ADK: variants seen among roughly 807,000 people sequenced by gnomAD.
The protein encoded by ADK is adenosine kinase, also known as N6,N6-dimethyladenosine kinase.
Under a neutral mutation model 44.7 loss-of-function variants are expected in ADK, and 24 were observed. The observed-to-expected ratio is 0.54, with a 90% CI of 0.39 to 0.76. ADK has a LOEUF of 0.76. Ranked by LOEUF, ADK falls within the 30% of genes least tolerant of loss-of-function variation. The pLI, the probability that ADK is intolerant of heterozygous loss-of-function variation, is 0.00. For synonymous variants in ADK, 128 were observed against 142.6 expected, an observed-to-expected ratio of 0.90 and a Z score of 0.73; for missense variants, 321 against 425.1, an observed-to-expected ratio of 0.76 and a Z score of 2.15.
At chr10:74,484,280 A>G (rs75160615) in intron 6 of ADK, among the ~76,000 whole-genome samples, 18 of 152,196 alleles carry the variant, frequency 1.2e-4, no homozygotes, top group Non-Finnish European at 1.8e-4. Flanking sequence ...GAGGTGCTAC[A>G]CACTGTTTAA....
At chr10:74,508,210 T>C (rs988301884) in intron 6 of ADK, among the ~76,000 whole-genome samples, 1 of 152,104 alleles carries the variant, frequency 6.6e-6, no homozygotes, top group Admixed American at 6.5e-5. Flanking sequence ...AGATATAGGA[T>C]GATTAAATCA....
intron 6 of ADK, among the ~76,000 whole-genome samples, chr10:74,510,077 T>C (rs148409415): frequency 6.6e-6 from 1 of 152,348 alleles, no homozygotes; most frequent in Admixed American, 6.5e-5. Context: ...TATAATGATT[T>C]CCATTCCTTT....
At chr10:74,607,052 C>T (rs532477245) in intron 9 of ADK, among the ~76,000 whole-genome samples, 2 of 152,184 alleles carry the variant, frequency 1.3e-5, no homozygotes, top group African/African-American at 4.8e-5. Context: ...AGGATTACAA[C>T]CCCTGCTTTT....
intron 6 of ADK, among the ~76,000 whole-genome samples, chr10:74,473,220 A>G (rs1033583320): frequency 2.6e-5 from 4 of 151,744 alleles, no homozygotes; most frequent in African/African-American, 9.7e-5. Flanking sequence ...ACACACACAT[A>G]TAGAGAGAGA....
intron 4 of ADK, among the ~76,000 whole-genome samples, chr10:74,327,178 T>C (rs1592051879): frequency 6.6e-6 from 1 of 152,224 alleles, no homozygotes; most frequent in South Asian, 2.1e-4. Flanking sequence ...ACATCACTTT[T>C]AGACCTGCTT....
intron 10 of ADK, among the ~76,000 whole-genome samples, chr10:74,678,175 C>G (rs112236482): frequency 2.7e-4 from 40 of 150,698 alleles, no homozygotes; most frequent in African/African-American, 9.7e-4. Flanking sequence ...ATGAAACATT[C>G]ACCACAGATA....
rs1459829938 is a variant in ADK at position 74,335,156 on chromosome 10, C to A, written c.273+20411C>A. ...CCTGCCCTGTGACCAATGTGCCATG[C>A]CACAGGGGAAAATGGAATGGGGGGT... On this transcript the variant is annotated intron_variant, in intron 4 of 10. Transcript: ENST00000539909. Among the ~76,000 whole-genome samples, 3 of 152,176 alleles carry A rather than the reference C, an allele frequency of 2.0e-5. No individual in the cohort carries two copies. The East Asian group carries it at 5.8e-4, about 29-fold the overall frequency.
At chr10:74,507,117 G>A (rs931155622) in intron 6 of ADK, among the ~76,000 whole-genome samples, 1 of 151,852 alleles carries the variant, frequency 6.6e-6, no homozygotes, top group South Asian at 2.1e-4. Context: ...AAATTGTTTG[G>A]ACTTAACATT....
intron 6 of ADK, among the ~76,000 whole-genome samples, chr10:74,473,260 T>G (rs1274060715): frequency 6.6e-6 from 1 of 152,104 alleles, no homozygotes; most frequent in Non-Finnish European, 1.5e-5. Context: ...ATAGTTTTAT[T>G]TTGAAATAAT....
chr10:74,605,806 C>T (rs760768526), intron 9 of ADK, among the ~76,000 whole-genome samples: 35 of 152,272 alleles, frequency 2.3e-4, no homozygotes, highest in African/African-American at 8.4e-4. Context: ...GGAATAGTTT[C>T]AGAAGGAATA....
chr10:74,516,511 T>G (rs1378067178), intron 6 of ADK, among the ~76,000 whole-genome samples: 1 of 122,622 alleles, frequency 8.2e-6, no homozygotes, highest in Non-Finnish European at 1.8e-5. Flanking sequence ...TTTATTGCTT[T>G]TCTTTTCTTT....
chr10:74,469,988 TA>T (rs1846504977), intron 6 of ADK, among the ~76,000 whole-genome samples: 1 of 151,978 alleles, frequency 6.6e-6, no homozygotes, highest in African/African-American at 2.4e-5. Context: ...CTCTTTTTTT[TA>T]GGCCAAGTAA....
intron 3 of ADK, among the ~76,000 whole-genome samples, chr10:74,269,842 C>A (rs1027043861): frequency 2.0e-5 from 3 of 151,914 alleles, no homozygotes; most frequent in Non-Finnish European, 4.4e-5. Context: ...ACTAAAAATA[C>A]AAAAAATTAG....
chr10:74,605,100 T>G (rs1391957097), intron 9 of ADK, among the ~76,000 whole-genome samples: 2 of 152,220 alleles, frequency 1.3e-5, no homozygotes, highest in Non-Finnish European at 2.9e-5. Context: ...TTTTGTATCC[T>G]GAGACTTTGC....
At chr10:74,596,417 C>T (rs1002812879) in intron 8 of ADK, among the ~76,000 whole-genome samples, 4 of 152,154 alleles carry the variant, frequency 2.6e-5, no homozygotes, top group African/African-American at 7.2e-5. Context: ...TTGAGACAGC[C>T]TCACTCTGTT....
At chr10:74,423,074 T>C (rs1368287868) in intron 6 of ADK, among the ~76,000 whole-genome samples, 1 of 151,792 alleles carries the variant, frequency 6.6e-6, no homozygotes, top group East Asian at 1.9e-4. Context: ...AAAGAAAGGG[T>C]AGCTGCTCCA....
chr10:74,672,015 G>A (rs964175691), intron 10 of ADK, among the ~76,000 whole-genome samples: 2 of 152,134 alleles, frequency 1.3e-5, no homozygotes, highest in African/African-American at 4.8e-5. Flanking sequence ...TACTGAGGTA[G>A]GAACAGCTAG....
chr10:74,370,756 A>G (rs2131972470), intron 4 of ADK, among the ~76,000 whole-genome samples: 1 of 152,036 alleles, frequency 6.6e-6, no homozygotes, highest in East Asian at 1.9e-4. Context: ...AAAAAATACA[A>G]TTTAGAGATG....
chr10:74,279,652 C>G (rs1192461249), intron 3 of ADK, among the ~76,000 whole-genome samples: 2 of 149,584 alleles, frequency 1.3e-5, no homozygotes, highest in Non-Finnish European at 3.0e-5. Flanking sequence ...TTGATTTTTT[C>G]TTTTTTTGCC....
Sources: allele counts gnomAD v4.1 joint callset (sites outside exome capture counted in the v4.1 genomes callset), GRCh38; gene constraint gnomAD v4.1.1; transcripts MANE v1.5; gene names NCBI Gene and HGNC (gene_info 2026-07-23, HGNC 2026-07-21).